Variants in MIR2052HG observed in about 807,000 individuals in gnomAD.
MIR2052HG encodes the protein MIR2052 host gene.
At chr8:74,711,797 C>A (rs1427308754) in intron 4 of MIR2052HG, among the ~76,000 whole-genome samples, 2 of 152,172 alleles carry the variant, frequency 1.3e-5, no homozygotes, top group Non-Finnish European at 1.5e-5. Flanking sequence ...ATTCAGAATG[C>A]TTTTGGTTAA....
chr8:74,631,158 C>T (rs981380001), intron 2 of MIR2052HG, among the ~76,000 whole-genome samples: 14 of 152,182 alleles, frequency 9.2e-5, no homozygotes, highest in African/African-American at 3.1e-4. Context: ...TCTATGCCCA[C>T]CTCATTCAGG....
chr8:74,698,521 C>A (rs1265946032), intron 2 of MIR2052HG, among the ~76,000 whole-genome samples: 1 of 152,116 alleles, frequency 6.6e-6, no homozygotes, highest in Non-Finnish European at 1.5e-5. Flanking sequence ...CTTAATTAAA[C>A]TAAAAAGCTT....
At chr8:74,687,512 A>G (rs902823753) in intron 2 of MIR2052HG, among the ~76,000 whole-genome samples, 11 of 152,174 alleles carry the variant, frequency 7.2e-5, no homozygotes, top group Admixed American at 2.0e-4. Context: ...TTATTTAGCC[A>G]TAAAAGAAGG....
chr8:74,634,774 G>C (rs987948211), intron 2 of MIR2052HG, among the ~76,000 whole-genome samples: 1 of 152,008 alleles, frequency 6.6e-6, no homozygotes, highest in Non-Finnish European at 1.5e-5. Flanking sequence ...CTACTTCATA[G>C]GTATCGCAAG....
At chr8:74,756,846 T>C (rs1014910479) in intron 5 of MIR2052HG, 1 of 152,226 alleles carries the variant, frequency 6.6e-6, no homozygotes, top group African/African-American at 2.4e-5. Context: ...GCACCTAGTA[T>C]ATATTATTTT....
chr8:74,643,967 G>C (rs1303314138), intron 2 of MIR2052HG, among the ~76,000 whole-genome samples: 2 of 152,180 alleles, frequency 1.3e-5, no homozygotes, highest in Non-Finnish European at 2.9e-5. Context: ...TTGGTGGTAA[G>C]CTTCTTTCTT....
intron 1 of MIR2052HG, among the ~76,000 whole-genome samples, chr8:74,600,305 G>T (rs1807975891): frequency 6.6e-6 from 1 of 151,182 alleles, no homozygotes; most frequent in Non-Finnish European, 1.5e-5. Flanking sequence ...GGAGTTTCAG[G>T]TGGGCATGGT....
chr8:74,646,005 T>A (rs192201260), intron 2 of MIR2052HG, among the ~76,000 whole-genome samples: 1 of 152,356 alleles, frequency 6.6e-6, no homozygotes, highest in Admixed American at 6.5e-5. Context: ...TCAACAAATA[T>A]TTAATGAGCA....
chr8:74,720,114 G>A (rs2128754007), intron 4 of MIR2052HG, among the ~76,000 whole-genome samples: 1 of 152,238 alleles, frequency 6.6e-6, no homozygotes, highest in South Asian at 2.1e-4. Flanking sequence ...CTCCCAAAGT[G>A]TTGGGATTAC....
intron 4 of MIR2052HG, among the ~76,000 whole-genome samples, chr8:74,730,191 A>G (rs1234392688): frequency 6.6e-6 from 1 of 152,148 alleles, no homozygotes; most frequent in Middle Eastern, 3.2e-3. Context: ...AAAATAAAGC[A>G]AGGCTACAAT....
At chr8:74,665,801 A>G (rs1808917018) in intron 2 of MIR2052HG, among the ~76,000 whole-genome samples, 1 of 152,112 alleles carries the variant, frequency 6.6e-6, no homozygotes, top group South Asian at 2.1e-4. Flanking sequence ...CTTGGAGGTA[A>G]TTGAATCATG....
At chr8:74,735,503 C>G (rs770925770) in intron 4 of MIR2052HG, among the ~76,000 whole-genome samples, 1 of 152,096 alleles carries the variant, frequency 6.6e-6, no homozygotes, top group Non-Finnish European at 1.5e-5. Flanking sequence ...ATGTGCTCCC[C>G]GGGCTCCATG....
chr8:74,693,168 GAT>G (rs1809257125), intron 2 of MIR2052HG, among the ~76,000 whole-genome samples: 1 of 152,178 alleles, frequency 6.6e-6, no homozygotes, highest in Admixed American at 6.5e-5. Flanking sequence ...TTAAGAATGA[GAT>G]AACATTATTT....
intron 2 of MIR2052HG, among the ~76,000 whole-genome samples, chr8:74,667,064 AG>A (rs1263242110): frequency 3.9e-5 from 6 of 152,194 alleles, no homozygotes; most frequent in Admixed American, 3.9e-4. Context: ...GAGCCGCAAA[AG>A]CTCATGCAAG....
chr8:74,735,508 T>TC (rs1224609394), intron 4 of MIR2052HG, among the ~76,000 whole-genome samples: 1 of 152,008 alleles, frequency 6.6e-6, no homozygotes, highest in Non-Finnish European at 1.5e-5. Context: ...CTCCCCGGGC[T>TC]CCATGTATCA....
intron 4 of MIR2052HG, among the ~76,000 whole-genome samples, chr8:74,718,826 C>G (rs990132098): frequency 6.6e-6 from 1 of 152,108 alleles, no homozygotes; most frequent in South Asian, 2.1e-4. Context: ...GGAACTAATC[C>G]TATTCATGAG....
chr8:74,660,474 T>C (rs1808850046), intron 2 of MIR2052HG, among the ~76,000 whole-genome samples: 1 of 152,190 alleles, frequency 6.6e-6, no homozygotes, highest in Non-Finnish European at 1.5e-5. Flanking sequence ...ATTCGGGTGG[T>C]TCAGGCTTCA....
At chr8:74,685,363 A>G (rs1035674615) in intron 2 of MIR2052HG, among the ~76,000 whole-genome samples, 2 of 152,116 alleles carry the variant, frequency 1.3e-5, no homozygotes, top group Non-Finnish European at 2.9e-5. Context: ...ACACTGCTAC[A>G]TACTTTCAGA....
intron 1 of MIR2052HG, among the ~76,000 whole-genome samples, chr8:74,600,455 T>C (rs929532290): frequency 1.3e-4 from 20 of 150,734 alleles, no homozygotes; most frequent in Non-Finnish European, 2.8e-4. Context: ...TGGTTGCACA[T>C]GCCTGTAATC....
Sources: gnomAD v4.1 joint callset for allele counts (sites outside exome capture counted in the v4.1 genomes callset) on GRCh38, gnomAD v4.1.1 for gene constraint, MANE v1.5 for transcripts, NCBI Gene and HGNC (gene_info 2026-07-23, HGNC 2026-07-21) for gene names.